The following FNIP1 variants were observed in gnomAD, a reference collection of about 807,000 sequenced individuals.
FNIP1 encodes the protein folliculin interacting protein 1, also known as folliculin-interacting protein 1.
FNIP1 carries 40 observed loss-of-function variants against 124.5 expected under a neutral mutation model. The ratio of observed to expected loss-of-function variants is 0.32; its 90% CI spans 0.25 to 0.42. FNIP1 has a LOEUF of 0.42. FNIP1 is among the 10% of genes least tolerant of loss of function. The pLI is 1.00. For missense variants in FNIP1, 1,176 were observed against 1,403.7 expected, an observed-to-expected ratio of 0.84 and a Z score of 2.59; for synonymous variants, 472 against 470.6, an observed-to-expected ratio of 1.00 and a Z score of -0.04.
intron 1 of FNIP1, chr5:131,796,427 G>A (rs915495846): frequency 1.5e-5 from 3 of 198,282 alleles, no homozygotes; most frequent in Non-Finnish European, 2.1e-5. Context: ...AACTGGTCAC[G>A]GGGAGGAGGG....
intron 11 of FNIP1, among the ~76,000 whole-genome samples, chr5:131,683,656 A>AT (rs906937735): frequency 6.6e-6 from 1 of 151,320 alleles, no homozygotes; most frequent in Non-Finnish European, 1.5e-5. Flanking sequence ...TTTAATGTGT[A>AT]TTTTTTTAAT....
chr5:131,739,601 C>A (rs1770439852), intron 2 of FNIP1, among the ~76,000 whole-genome samples: 1 of 152,022 alleles, frequency 6.6e-6, no homozygotes, highest in African/African-American at 2.4e-5. Flanking sequence ...ATCACGAGGT[C>A]AGGAGATGGA....
In FNIP1 at chr5:131,671,516, T is replaced by C. The variant is rs1215760657; in HGVS notation, c.2928A>G (p.Ile976Met). ...AACTTCCTACTTACCCAGGAAAAGGTATCTCATCCTCTTCTGCCCAATCTT... is the reference window on the plus strand; with the variant it reads ...AACTTCCTACTTACCCAGGAAAAGGCATCTCATCCTCTTCTGCCCAATCTT... ...EQEDWAEEDEIPFPGSKLIEV... is the reference protein window; with the variant it reads ...EQEDWAEEDEMPFPGSKLIEV... The change falls in exon 14 of 18, where the codon ATA (isoleucine) becomes ATG (methionine). Residue 976 changes from isoleucine (I) to methionine (M), a missense_variant. Around this residue, in one of 2 missense-constraint regions of FNIP1, gnomAD observed 1,109 missense variants for 1,288.5 expected, o/e 0.86. Coordinates refer to ENST00000510461, the MANE Select transcript of FNIP1 (RefSeq NM_133372.3). 1.9e-6 allele frequency: 3 copies of C among 1,606,826 alleles called. No homozygotes were observed. Among genetic ancestry groups the C allele is most frequent in the Admixed American group, 1.7e-5 (1 of 59,594 alleles).
intron 1 of FNIP1, among the ~76,000 whole-genome samples, chr5:131,761,717 T>C (rs1041242333): frequency 1.3e-5 from 2 of 151,966 alleles, no homozygotes; most frequent in Non-Finnish European, 2.9e-5. Context: ...TGCAATCCCT[T>C]TCAAAATACC....
chr5:131,770,170 C>T (rs1024098030), intron 1 of FNIP1, among the ~76,000 whole-genome samples: 2 of 152,184 alleles, frequency 1.3e-5, no homozygotes, highest in African/African-American at 4.8e-5. Context: ...GTATTCTACC[C>T]AGCTGACAAG....
chr5:131,670,001 T>C (rs1187095409), intron 15 of FNIP1, among the ~76,000 whole-genome samples: 1 of 150,812 alleles, frequency 6.6e-6, no homozygotes, highest in East Asian at 1.9e-4. Flanking sequence ...TGTTCACTGA[T>C]AACATGAGCC....
intron 1 of FNIP1, among the ~76,000 whole-genome samples, chr5:131,768,692 G>A (rs932297486): frequency 6.6e-6 from 1 of 152,036 alleles, no homozygotes; most frequent in African/African-American, 2.4e-5. Flanking sequence ...CCAGCTACTC[G>A]GGAGCCTGAG....
chr5:131,715,458 C>T (rs1769436350), intron 6 of FNIP1, among the ~76,000 whole-genome samples: 1 of 152,082 alleles, frequency 6.6e-6, no homozygotes, highest in African/African-American at 2.4e-5. Flanking sequence ...TGCACTCCAG[C>T]CTGGGTGACA....
chr5:131,688,993 A>C (rs576435685), intron 11 of FNIP1, among the ~76,000 whole-genome samples: 1 of 152,216 alleles, frequency 6.6e-6, no homozygotes, highest in Admixed American at 6.5e-5. Flanking sequence ...AGGCTCACAG[A>C]ACACCAAGCA....
At chr5:131,777,836 G>A (rs1470848657) in intron 1 of FNIP1, among the ~76,000 whole-genome samples, 1 of 152,110 alleles carries the variant, frequency 6.6e-6, no homozygotes, top group African/African-American at 2.4e-5. Context: ...AAATTCCTGG[G>A]GGTGGGGTCC....
rs187893959 is a variant in FNIP1, at chr5:131,784,680, G to A, written c.92+12150C>T. ...CTCTACAAAAAATAAAAATTAGCTG[G>A]GCATGGTAGCTCTTGCCTGTGGTCT... On this transcript the variant is annotated intron_variant, in intron 1 of 17. Coordinates refer to ENST00000510461, the MANE Select transcript of FNIP1 (RefSeq NM_133372.3). 1.6e-4 allele frequency among the ~76,000 whole-genome samples: 25 copies of A among 151,622 alleles called. No homozygotes were observed. In the Middle Eastern group the frequency reaches 0.01, roughly 62 times the overall value.
At chr5:131,730,369 T>C (rs1051880583) in intron 3 of FNIP1, among the ~76,000 whole-genome samples, 1 of 152,184 alleles carries the variant, frequency 6.6e-6, no homozygotes. Context: ...TAATGCAAAC[T>C]TGGATGACAC....
chr5:131,718,412 T>G (rs1216960880), intron 5 of FNIP1, among the ~76,000 whole-genome samples: 2 of 152,204 alleles, frequency 1.3e-5, no homozygotes, highest in Non-Finnish European at 2.9e-5. Context: ...ATATGGCACC[T>G]GCAAAATCTC....
chr5:131,723,186 G>C (rs1306479703), intron 3 of FNIP1, among the ~76,000 whole-genome samples: 5 of 152,120 alleles, frequency 3.3e-5, no homozygotes, highest in Admixed American at 3.3e-4. Context: ...ATCAATGCCA[G>C]TATTACTTGG....
chr5:131,697,968 C>CAAAAAAAAAAAAAA (rs753487190), intron 11 of FNIP1, among the ~76,000 whole-genome samples: 5 of 58,756 alleles, frequency 8.5e-5, no homozygotes, highest in African/African-American at 1.7e-4. Context: ...GACTCCACCT[C>CAAAAAAAAAAAAAA]AAAAAAAAAA....
intron 17 of FNIP1, among the ~76,000 whole-genome samples, 182 bp downstream of exon 17, chr5:131,646,908 C>T (rs1264968682): frequency 1.3e-5 from 2 of 152,138 alleles, no homozygotes; most frequent in Non-Finnish European, 2.9e-5. Flanking sequence ...GGGATAATGC[C>T]TTTCAGATTA....
At chr5:131,704,963 T>C (rs1769039186) in intron 9 of FNIP1, among the ~76,000 whole-genome samples, 1 of 152,052 alleles carries the variant, frequency 6.6e-6, no homozygotes, top group Non-Finnish European at 1.5e-5. Context: ...TAACCTTTTG[T>C]GCATCAAAGG....
chr5:131,740,336 A>G (rs1770472151), intron 2 of FNIP1, among the ~76,000 whole-genome samples: 1 of 152,228 alleles, frequency 6.6e-6, no homozygotes, highest in African/African-American at 2.4e-5. Context: ...TGCAAATGTG[A>G]TATCATAAAT....
intron 11 of FNIP1, among the ~76,000 whole-genome samples, chr5:131,693,352 A>ATG (rs1259931232): frequency 5.8e-5 from 8 of 137,204 alleles, no homozygotes; most frequent in Admixed American, 1.5e-4. Flanking sequence ...ATATATATAT[A>ATG]TATATATATA....
Sources: gnomAD v4.1 joint callset for allele counts (sites outside exome capture counted in the v4.1 genomes callset) on GRCh38, gnomAD v4.1.1 for gene constraint, gnomAD v4.1.1 regional missense constraint, MANE v1.5 for transcripts, NCBI Gene and HGNC (gene_info 2026-07-23, HGNC 2026-07-21) for gene names.